The following POLR1E variants were observed in gnomAD, a reference collection of about 807,000 sequenced individuals.
POLR1E encodes the protein RNA polymerase I subunit E.
In POLR1E, 37 loss-of-function variants were observed where a neutral mutation model predicts 50.9. The ratio of observed to expected loss-of-function variants is 0.73; its 90% CI spans 0.56 to 0.96. POLR1E has a LOEUF of 0.96. Ranked by LOEUF, POLR1E falls within the 40% of genes least tolerant of loss-of-function variation. The probability of loss-of-function intolerance (pLI) is 0.00; values close to 1 mark genes in which losing one functional copy is unlikely to be tolerated. For synonymous variants in POLR1E, 166 were observed against 191.6 expected (o/e 0.87, Z 1.10); for missense variants, 426 against 518.1 (o/e 0.82, Z 1.73).
rs1820891011 is a variant in POLR1E at position 37,501,719 on chromosome 9, G to C, written c.975G>C (p.Arg325=). The part of the protein sequence containing the change: ...TCLTYNNGRL[R]NLISDSMKAK... ...ATTGCCACTGATTTTCTAGATTACG[G>C]AACTTAATTTCGGATTCTATGAAGG... Residue 325 remains arginine, a synonymous_variant, in exon 11 of 12, where the codon CGG becomes CGC. Transcript: ENST00000377798. 6.2e-7 allele frequency: 1 copy of C among 1,607,134 alleles called. No homozygotes were observed. The highest frequency in any genetic ancestry group is 1.3e-5 in the African/African-American group (1 of 74,522).
chr9:37,487,192 C>T (rs909241999), intron 2 of POLR1E, among the ~76,000 whole-genome samples: 2 of 152,138 alleles, frequency 1.3e-5, no homozygotes, highest in Non-Finnish European at 2.9e-5. Flanking sequence ...GCCAGTAGCA[C>T]CAGAGTGGAT....
chr9:37,495,756 C>T (rs1820773521), intron 7 of POLR1E, 134 bp from the exon 8 acceptor site: 1 of 643,510 alleles, frequency 1.6e-6, no homozygotes, highest in Non-Finnish European at 2.9e-6. Flanking sequence ...AGCTCTGCCC[C>T]TATGTGATCT....
rs753512195 is a variant in POLR1E, at chr9:37,493,689, C to T, written c.533C>T (p.Thr178Met). ...AAAGCTGCAGAGACTATCATTGATA[C>T]GAAGGGTGTGACTGGTAAGAAGTTG... Reference protein sequence around the residue: ...VAKAAETIIDTKGVTALVSDA... With the variant: ...VAKAAETIIDMKGVTALVSDA... The change falls in exon 6 of 12, where the codon ACG (threonine) becomes ATG (methionine). Residue 178 changes from threonine to methionine, a missense_variant. Coordinates refer to ENST00000377798, the MANE Select transcript of POLR1E (RefSeq NM_022490.4). The T allele has an allele frequency of 1.3e-5, 20 of 1,566,736 alleles. No individual in the cohort carries two copies. Among genetic ancestry groups the T allele is most frequent in the Middle Eastern group, 3.4e-4 (2 of 5,876 alleles).
intron 1 of POLR1E, 97 bp from the exon 2 acceptor site, chr9:37,486,606 A>G (rs1571234): frequency 0.57 from 919,099 of 1,613,124 alleles, 265,094 homozygotes; most frequent in Non-Finnish European, 0.59. Context: ...CCCCATTCTG[A>G]CACTCCCTCC....
At chr9:37,494,581 A>G (rs563726638) in intron 6 of POLR1E, among the ~76,000 whole-genome samples, 7 of 152,184 alleles carry the variant, frequency 4.6e-5, no homozygotes, top group Non-Finnish European at 1.0e-4. Context: ...GGGATCACAG[A>G]TGTGTGCCAC....
chr9:37,495,382 A>G, intron 7 of POLR1E, 106 bp downstream of exon 7: 2 of 951,150 alleles, frequency 2.1e-6, no homozygotes, highest in South Asian at 1.3e-5. Context: ...GACATTCACA[A>G]GAGCTCCATC....
chr9:37,500,693 G>T, intron 9 of POLR1E, 147 bp from the exon 10 acceptor site: 1 of 620,366 alleles, frequency 1.6e-6, no homozygotes. Flanking sequence ...TGATGTGGCT[G>T]TTCTGCTTTG....
intron 4 of POLR1E, 58 bp from the exon 5 acceptor site, chr9:37,492,599 C>CTATT (rs1820704113): frequency 5.5e-6 from 8 of 1,449,954 alleles, no homozygotes; most frequent in Non-Finnish European, 7.7e-6. Flanking sequence ...AACACTATTA[C>CTATT]TATTTGTAGG....
At chr9:37,491,039 G>T in intron 4 of POLR1E, 2 of 239,234 alleles carry the variant, frequency 8.4e-6, no homozygotes, top group South Asian at 5.9e-5. Flanking sequence ...TTCACGTTGA[G>T]GACAAGTCTC....
chr9:37,486,838 C>A (rs201147537), intron 2 of POLR1E, 32 bp downstream of exon 2: 1 of 1,582,440 alleles, frequency 6.3e-7, no homozygotes, highest in Non-Finnish European at 8.6e-7. Flanking sequence ...TGTCTCCACT[C>A]TGCAGGGCTC....
At chr9:37,490,291 A>G in intron 4 of POLR1E, 1 of 424,388 alleles carries the variant, frequency 2.4e-6, no homozygotes, top group Non-Finnish European at 4.3e-6. Flanking sequence ...GAGTAAAGAC[A>G]TTACATAATG....
At chr9:37,490,374 G>T in intron 4 of POLR1E, 1 of 640,008 alleles carries the variant, frequency 1.6e-6, no homozygotes, top group South Asian at 1.7e-5. Flanking sequence ...ACTCAATGAA[G>T]AGAAACATTT....
chr9:37,489,140 A>C (rs1332479603), intron 3 of POLR1E, among the ~76,000 whole-genome samples, 175 bp from the exon 4 acceptor site: 2 of 151,978 alleles, frequency 1.3e-5, no homozygotes. Context: ...CAGCAGGCTG[A>C]GACAGGAGAA....
chr9:37,492,311 C>T (rs1298552209), intron 4 of POLR1E: 2 of 1,300,458 alleles, frequency 1.5e-6, no homozygotes, highest in South Asian at 2.5e-5. Context: ...AAATTATTTT[C>T]TGGAAAGAGC....
intron 4 of POLR1E, chr9:37,490,964 G>T: frequency 3.2e-6 from 1 of 308,520 alleles, no homozygotes; most frequent in South Asian, 3.5e-5. Context: ...TGTTATAGTT[G>T]GGGTAAAGAG....
At chr9:37,501,026 G>A (rs1308181799) in intron 10 of POLR1E, 105 bp downstream of exon 10, 3 of 1,109,860 alleles carry the variant, frequency 2.7e-6, no homozygotes, top group Non-Finnish European at 3.9e-6. Flanking sequence ...CGGAGATGCA[G>A]TGCTGAAAAG....
chr9:37,487,586 T>C (rs1016128797), intron 2 of POLR1E, among the ~76,000 whole-genome samples: 1 of 152,208 alleles, frequency 6.6e-6, no homozygotes, highest in Non-Finnish European at 1.5e-5. Context: ...AGGGCCTCTC[T>C]CTCAAGTCTT....
At chr9:37,498,341 C>T in intron 9 of POLR1E, 117 bp downstream of exon 9, 2 of 1,109,538 alleles carry the variant, frequency 1.8e-6, no homozygotes, top group Non-Finnish European at 2.5e-6. Flanking sequence ...TCTTTACTGT[C>T]AACTGTGAGA....
chr9:37,498,251 T>A, intron 9 of POLR1E, 27 bp downstream of exon 9: 2 of 1,593,276 alleles, frequency 1.3e-6, no homozygotes, highest in Non-Finnish European at 1.7e-6. Context: ...CATTTTATTC[T>A]AATTGTTTCC....
Sources: gnomAD v4.1 joint callset for allele counts (sites outside exome capture counted in the v4.1 genomes callset) on GRCh38, gnomAD v4.1.1 for gene constraint, MANE v1.5 for transcripts, NCBI Gene and HGNC (gene_info 2026-07-23, HGNC 2026-07-21) for gene names.